The following RASA3 variants were observed in gnomAD, a reference collection of about 807,000 sequenced individuals.
RASA3 encodes the protein ras GTPase-activating protein 3.
Under a neutral mutation model 110.0 loss-of-function variants are expected in RASA3, and 73 were observed. That is an observed-to-expected ratio of 0.66 (90% confidence interval 0.55 to 0.81). The LOEUF (loss-of-function observed/expected upper bound fraction) is 0.81, where lower values mean the gene tolerates loss of function less well. RASA3 is among the 30% of genes least tolerant of loss of function. The probability of loss-of-function intolerance (pLI) is 0.00; values close to 1 mark genes in which losing one functional copy is unlikely to be tolerated. For synonymous variants in RASA3, 500 were observed against 451.4 expected (o/e 1.11, Z -1.37); for missense variants, 976 against 1,113.2 (o/e 0.88, Z 1.75).
intron 10 of RASA3, 59 bp from the exon 11 acceptor site, chr13:114,018,311 T>C: frequency 6.7e-7 from 1 of 1,502,378 alleles, no homozygotes; most frequent in Non-Finnish European, 8.9e-7. Context: ...CAGAGGCCTG[T>C]CCCCACCTTG....
At chr13:114,125,817 G>A (rs115913137) in intron 1 of RASA3, among the ~76,000 whole-genome samples, 2,046 of 152,188 alleles carry the variant, frequency 0.013, 38 homozygotes, top group African/African-American at 0.044. Flanking sequence ...AAGACGAGAC[G>A]CGCTCAGTGA....
rs59261566 is a variant in RASA3 at position 114,053,393 on chromosome 13, C to T, written c.174-1238G>A. On this transcript the variant is annotated intron_variant, in intron 2 of 23. Coordinates refer to ENST00000334062, the MANE Select transcript of RASA3 (RefSeq NM_007368.4). ...GGTGGGGTTAGTTTCCTCCCCACGC[C>T]GGACCTGTTGGCGATTACTGCGGTG... Among the ~76,000 whole-genome samples the T allele has an allele frequency of 1.7e-3, 253 of 152,352 alleles. 2 individuals carry two copies. Among genetic ancestry groups the T allele is most frequent in the African/African-American group, 6.0e-3 (248 of 41,578 alleles).
intron 1 of RASA3, among the ~76,000 whole-genome samples, chr13:114,118,503 T>C (rs74116488): frequency 2.0e-4 from 30 of 152,366 alleles, no homozygotes; most frequent in African/African-American, 7.2e-4. Flanking sequence ...ATCCCAACTC[T>C]AGCCCCAAAT....
rs548908344 is a variant in RASA3 at position 114,116,596 on chromosome 13, TTAAA to T, written c.55+15835_55+15838del. 3.6e-3 allele frequency among the ~76,000 whole-genome samples: 528 copies of T among 145,408 alleles called. 4 individuals carry two copies. The highest frequency in any genetic ancestry group is 7.1e-3 in the Middle Eastern group (2 of 280). ...TGTAATGATAAAAGTTTTTATCACT[TTAAA>T]TAAAGTTATTTGAAAAAAGTTATTC... On this transcript the variant is annotated intron_variant, in intron 1 of 23. Transcript: ENST00000334062.
intron 7 of RASA3, among the ~76,000 whole-genome samples, chr13:114,024,818 C>T (rs926587369): frequency 2.0e-5 from 3 of 152,330 alleles, no homozygotes; most frequent in East Asian, 1.9e-4. Flanking sequence ...TGAACCTGGC[C>T]GGCCCCGAAC....
At chr13:114,082,493 C>T (rs879465505) in intron 1 of RASA3, among the ~76,000 whole-genome samples, 73 of 152,192 alleles carry the variant, frequency 4.8e-4, no homozygotes, top group Middle Eastern at 3.2e-3. Flanking sequence ...CCCTGTGCTC[C>T]GAGGCTCCGA....
At chr13:114,002,111 G>A (rs1177309972) in intron 18 of RASA3, among the ~76,000 whole-genome samples, 1 of 152,248 alleles carries the variant, frequency 6.6e-6, no homozygotes, top group Non-Finnish European at 1.5e-5. Flanking sequence ...GGAGAAGAAA[G>A]TGGCCAGACA....
intron 5 of RASA3, among the ~76,000 whole-genome samples, chr13:114,028,562 G>A (rs1483464703): frequency 6.7e-6 from 1 of 149,012 alleles, no homozygotes; most frequent in Admixed American, 6.7e-5. Flanking sequence ...ATCCTGGAAG[G>A]GGGCCAGAAC....
chr13:114,053,224 T>C (rs1470432654), intron 2 of RASA3, among the ~76,000 whole-genome samples: 1 of 116,472 alleles, frequency 8.6e-6, no homozygotes, highest in East Asian at 2.3e-4. Flanking sequence ...ACAGAGTGCA[T>C]GGCTCAGGCC....
At chr13:113,995,027 T>G (rs1026985010) in intron 21 of RASA3, among the ~76,000 whole-genome samples, 8 of 152,094 alleles carry the variant, frequency 5.3e-5, no homozygotes, top group African/African-American at 1.9e-4. Context: ...AGGCTGGCTG[T>G]GGGTGTGCGG....
chr13:114,059,469 G>T (rs2079301143), intron 2 of RASA3, among the ~76,000 whole-genome samples: 1 of 152,280 alleles, frequency 6.6e-6, no homozygotes, highest in Non-Finnish European at 1.5e-5. Flanking sequence ...GCCCACACGG[G>T]CCTTGCCGGG....
intron 1 of RASA3, among the ~76,000 whole-genome samples, chr13:114,089,843 ACT>A (rs1422272650): frequency 1.0e-5 from 1 of 97,940 alleles, no homozygotes; most frequent in Non-Finnish European, 1.9e-5. Context: ...CCACGAGTCC[ACT>A]CTGTGTCTCT....
At chr13:114,058,867 G>A (rs35620805) in intron 2 of RASA3, among the ~76,000 whole-genome samples, 5 of 152,212 alleles carry the variant, frequency 3.3e-5, no homozygotes, top group Non-Finnish European at 5.9e-5. Flanking sequence ...TTGAAGGCCA[G>A]AGCCTTTTTC....
intron 4 of RASA3, among the ~76,000 whole-genome samples, chr13:114,034,855 T>G (rs2054250123): frequency 6.6e-6 from 1 of 151,924 alleles, no homozygotes. Flanking sequence ...GAATCTGGAG[T>G]GCCGGCCACA....
At chr13:113,980,663 C>T (rs146645949) in intron 23 of RASA3, among the ~76,000 whole-genome samples, 4 of 152,332 alleles carry the variant, frequency 2.6e-5, no homozygotes, top group African/African-American at 7.2e-5. Context: ...AGAAGGGTGT[C>T]GAGAGGGATC....
intron 18 of RASA3, among the ~76,000 whole-genome samples, chr13:114,005,648 C>T (rs995100839): frequency 1.3e-5 from 2 of 152,180 alleles, no homozygotes; most frequent in African/African-American, 4.8e-5. Flanking sequence ...AATCACAAGG[C>T]TGCTGGCCAG....
chr13:114,109,492 C>T (rs532289293), intron 1 of RASA3, among the ~76,000 whole-genome samples: 20 of 152,310 alleles, frequency 1.3e-4, no homozygotes, highest in African/African-American at 4.6e-4. Flanking sequence ...AGAAAAACAC[C>T]GACCAACATT....
intron 20 of RASA3, 119 bp downstream of exon 20, chr13:113,999,464 CTG>C: frequency 1.3e-6 from 1 of 753,852 alleles, no homozygotes; most frequent in South Asian, 1.5e-5. Context: ...CACGAAGACT[CTG>C]AGAAGCCTGG....
intron 2 of RASA3, among the ~76,000 whole-genome samples, chr13:114,062,284 C>A (rs191446118): frequency 1.1e-4 from 17 of 151,370 alleles, no homozygotes; most frequent in African/African-American, 4.1e-4. Flanking sequence ...TTAAAAACAA[C>A]AAATTGCTTT....
Sources: gnomAD v4.1 joint callset for allele counts (sites outside exome capture counted in the v4.1 genomes callset) on GRCh38, gnomAD v4.1.1 for gene constraint, MANE v1.5 for transcripts, NCBI Gene and HGNC (gene_info 2026-07-23, HGNC 2026-07-21) for gene names.